The following PPM1L variants were observed in gnomAD, a reference collection of about 807,000 sequenced individuals.
The protein encoded by PPM1L is protein phosphatase, Mg2+/Mn2+ dependent 1L.
PPM1L carries 13 observed loss-of-function variants against 31.4 expected under a neutral mutation model. That is an observed-to-expected ratio of 0.41 (90% CI 0.27 to 0.66). The LOEUF (loss-of-function observed/expected upper bound fraction) is 0.66, where lower values mean the gene tolerates loss of function less well. PPM1L is among the 30% of genes least tolerant of loss of function. The pLI, the probability that PPM1L is intolerant of heterozygous loss-of-function variation, is 0.29. For synonymous variants in PPM1L, 184 were observed against 175.4 expected (o/e 1.05, Z -0.39); for missense variants, 326 against 453.7 (o/e 0.72, Z 2.56).
intron 1 of PPM1L, among the ~76,000 whole-genome samples, chr3:160,810,213 A>G (rs534335778): frequency 3.3e-4 from 50 of 152,014 alleles, no homozygotes; most frequent in African/African-American, 1.2e-3. Context: ...AATGTGTGTT[A>G]GTAGGTCTTG....
intron 1 of PPM1L, among the ~76,000 whole-genome samples, chr3:160,759,487 C>T (rs1420739995): frequency 2.0e-5 from 3 of 152,022 alleles, no homozygotes. Context: ...GGCTATGTGG[C>T]TAGTTCAAGG....
intron 1 of PPM1L, among the ~76,000 whole-genome samples, chr3:160,836,434 A>G (rs531699287): frequency 6.6e-6 from 1 of 152,284 alleles, no homozygotes; most frequent in Non-Finnish European, 1.5e-5. Flanking sequence ...GTGGCTCTCT[A>G]GCAAGAAGGC....
chr3:160,893,980 T>A (rs1713244996), intron 1 of PPM1L, among the ~76,000 whole-genome samples: 2 of 152,216 alleles, frequency 1.3e-5, no homozygotes, highest in Non-Finnish European at 2.9e-5. Context: ...TGTTAGATGA[T>A]CTTGCTCAAC....
chr3:161,020,929 A>G (rs184238686), intron 2 of PPM1L, among the ~76,000 whole-genome samples: 1 of 151,964 alleles, frequency 6.6e-6, no homozygotes, highest in East Asian at 1.9e-4. Context: ...TGTATTCCCA[A>G]TCTTGGTAAT....
rs373845428 is a variant in PPM1L, at chr3:160,883,960, C to T, written c.400-77776C>T. ...TGGTGGGCACCTGTGGTCCCAGCTACTCTGGAGGCTGAGGTAGGAGGATTT... is the reference window on the plus strand; with the variant it reads ...TGGTGGGCACCTGTGGTCCCAGCTATTCTGGAGGCTGAGGTAGGAGGATTT... On this transcript the variant is annotated intron_variant, in intron 1 of 3. Coordinates refer to ENST00000498165, the MANE Select transcript of PPM1L (RefSeq NM_139245.4). Among the ~76,000 whole-genome samples, 3 of 151,072 alleles carry T rather than the reference C, an allele frequency of 2.0e-5. No homozygotes were observed. In the East Asian group the frequency reaches 5.8e-4, roughly 29 times the overall value.
At chr3:160,784,609 A>G (rs995110800) in intron 1 of PPM1L, among the ~76,000 whole-genome samples, 7 of 152,250 alleles carry the variant, frequency 4.6e-5, no homozygotes, top group African/African-American at 1.7e-4. Context: ...TTAACAATCT[A>G]CAAAAGGCTG....
At chr3:160,839,312 A>T (rs1713801316) in intron 1 of PPM1L, among the ~76,000 whole-genome samples, 1 of 152,200 alleles carries the variant, frequency 6.6e-6, no homozygotes, top group African/African-American at 2.4e-5. Context: ...CAACCTTTCT[A>T]GTACATTTTT....
chr3:160,921,733 A>G (rs1057359111), intron 1 of PPM1L, among the ~76,000 whole-genome samples: 3 of 152,208 alleles, frequency 2.0e-5, no homozygotes, highest in Admixed American at 6.5e-5. Context: ...GATTCTTGAA[A>G]AATAATTATT....
intron 1 of PPM1L, among the ~76,000 whole-genome samples, chr3:160,787,956 CT>C (rs762061659): frequency 5.0e-4 from 76 of 152,058 alleles, no homozygotes; most frequent in Non-Finnish European, 9.9e-4. Flanking sequence ...GTTCTCTGTT[CT>C]GTTCCATTGG....
chr3:160,816,271 GT>G (rs1712992279), intron 1 of PPM1L, among the ~76,000 whole-genome samples: 1 of 151,608 alleles, frequency 6.6e-6, no homozygotes, highest in Admixed American at 6.6e-5. Context: ...TTGTGTGTGT[GT>G]GTGTGTGTGT....
At chr3:161,029,584 A>C (rs946771489) in intron 2 of PPM1L, among the ~76,000 whole-genome samples, 2 of 152,242 alleles carry the variant, frequency 1.3e-5, no homozygotes, top group African/African-American at 4.8e-5. Context: ...AAGAGGCCTC[A>C]AAATAATCTC....
At chr3:161,019,318 C>T (rs970595281) in intron 2 of PPM1L, among the ~76,000 whole-genome samples, 4 of 147,690 alleles carry the variant, frequency 2.7e-5, no homozygotes, top group Non-Finnish European at 4.5e-5. Context: ...CTCAACTCCC[C>T]GAGTAGCTGG....
chr3:161,042,668 C>T (rs1355164580), intron 2 of PPM1L, among the ~76,000 whole-genome samples: 3 of 152,210 alleles, frequency 2.0e-5, no homozygotes, highest in Admixed American at 1.3e-4. Context: ...CATATTTTCC[C>T]TGGTGGAGCC....
At chr3:160,827,088 C>T (rs2108094786) in intron 1 of PPM1L, among the ~76,000 whole-genome samples, 1 of 152,248 alleles carries the variant, frequency 6.6e-6, no homozygotes, top group Non-Finnish European at 1.5e-5. Context: ...CACTAGGACA[C>T]TGTTGTTCTT....
At chr3:160,783,382 C>T (rs1344180818) in intron 1 of PPM1L, among the ~76,000 whole-genome samples, 1 of 152,044 alleles carries the variant, frequency 6.6e-6, no homozygotes, top group African/African-American at 2.4e-5. Context: ...GGCGGATGAC[C>T]TGAGGTCAGG....
intron 1 of PPM1L, among the ~76,000 whole-genome samples, chr3:160,946,985 A>T (rs185393175): frequency 3.9e-5 from 6 of 152,328 alleles, no homozygotes; most frequent in Admixed American, 2.0e-4. Flanking sequence ...ATAGCAAAGA[A>T]TCAAAATGGT....
intron 1 of PPM1L, among the ~76,000 whole-genome samples, chr3:160,953,500 C>T (rs1715638794): frequency 2.0e-5 from 3 of 152,074 alleles, no homozygotes; most frequent in Admixed American, 2.0e-4. Flanking sequence ...AGTAACGTAA[C>T]AAAATGAGTA....
chr3:160,761,856 T>G (rs1449858081), intron 1 of PPM1L, among the ~76,000 whole-genome samples: 3 of 152,186 alleles, frequency 2.0e-5, no homozygotes, highest in African/African-American at 7.2e-5. Context: ...GGAGGGAAAC[T>G]TCCCCTTATA....
intron 1 of PPM1L, among the ~76,000 whole-genome samples, chr3:160,921,397 A>G (rs1000437208): frequency 6.6e-6 from 1 of 152,182 alleles, no homozygotes; most frequent in Non-Finnish European, 1.5e-5. Context: ...AAAAACTGAC[A>G]TTTACTTTTT....
Sources: allele counts gnomAD v4.1 joint callset (sites outside exome capture counted in the v4.1 genomes callset), GRCh38; gene constraint gnomAD v4.1.1; transcripts MANE v1.5; gene names NCBI Gene and HGNC (gene_info 2026-07-23, HGNC 2026-07-21).